ATAD2B: variants seen among roughly 807,000 people sequenced by gnomAD.
ATAD2B encodes ATPase family AAA domain-containing protein 2B.
ATAD2B carries 40 observed loss-of-function variants against 167.6 expected under a neutral mutation model. The ratio of observed to expected loss-of-function variants is 0.24; its 90% CI spans 0.19 to 0.31. ATAD2B has a LOEUF of 0.31. Among genes scored for constraint, ATAD2B ranks in the 10% least tolerant of loss-of-function variants. ATAD2B has a pLI of 1.00. For synonymous variants in ATAD2B, 579 were observed against 596.5 expected, an observed-to-expected ratio of 0.97 and a Z score of 0.43; for missense variants, 1,242 against 1,757.2, an observed-to-expected ratio of 0.71 and a Z score of 5.24.
chr2:23,895,347 AAGTTTT>A (rs1700031694), intron 2 of ATAD2B, among the ~76,000 whole-genome samples: 1 of 152,110 alleles, frequency 6.6e-6, no homozygotes, highest in Non-Finnish European at 1.5e-5. Context: ...GACTAAAATT[AAGTTTT>A]CTTGATACAT....
At chr2:23,888,054 A>C (rs201882239) in intron 3 of ATAD2B, 69 bp from the exon 4 acceptor site, 1 of 1,189,266 alleles carries the variant, frequency 8.4e-7, no homozygotes, top group East Asian at 3.0e-5. Flanking sequence ...AAAAAAAATC[A>C]AAAAATTACT....
chr2:23,888,358 C>CT lies in ATAD2B; in HGVS notation c.409dup (p.Ser137LysfsTer26). On this transcript the variant is annotated frameshift_variant, in exon 3 of 28. Coordinates refer to ENST00000238789, the MANE Select transcript of ATAD2B (RefSeq NM_017552.4). LOFTEE classifies it high-confidence loss of function. ...TATAATAGAATACTCACATAAGCCA[C>CT]TATGTCCATTTGGTAATGTAGCACC... 6.3e-7 allele frequency: 1 copy of CT among 1,589,780 alleles called. No individual in the cohort carries two copies. Among genetic ancestry groups the CT allele is most frequent in the Non-Finnish European group, 8.6e-7 (1 of 1,168,220 alleles).
chr2:23,748,424 C>T (rs1471973008), downstream of ATAD2B, among the ~76,000 whole-genome samples: 2 of 152,176 alleles, frequency 1.3e-5, no homozygotes, highest in African/African-American at 4.8e-5. Context: ...AATCCATTTG[C>T]TTCTATACAA....
At chr2:23,805,656 T>G (rs1684253641) in intron 18 of ATAD2B, among the ~76,000 whole-genome samples, 1 of 152,196 alleles carries the variant, frequency 6.6e-6, no homozygotes, top group Non-Finnish European at 1.5e-5. Flanking sequence ...TGAAATGTTA[T>G]TTTCTTTTCT....
chr2:23,840,233 A>G (rs1690661614), intron 13 of ATAD2B, among the ~76,000 whole-genome samples: 1 of 152,126 alleles, frequency 6.6e-6, no homozygotes, highest in Non-Finnish European at 1.5e-5. Flanking sequence ...TGTTTTTTCT[A>G]AAAGTTCTCC....
At chr2:23,689,524 A>G in the ATAD2B span, 1 of 152,502 alleles carries the variant, frequency 6.6e-6, no homozygotes, top group Admixed American at 6.5e-5. Flanking sequence ...GTGCGTGTGC[A>G]TGTGCTCGCA....
At chr2:23,738,348 C>G in the ATAD2B span, among the ~76,000 whole-genome samples, 1 of 152,246 alleles carries the variant, frequency 6.6e-6, no homozygotes, top group Admixed American at 6.5e-5. Context: ...AACAGCTGAT[C>G]TCTCTGCAGA....
the ATAD2B span, among the ~76,000 whole-genome samples, chr2:23,681,778 G>A: frequency 1.3e-5 from 2 of 152,038 alleles, no homozygotes; most frequent in African/African-American, 2.4e-5. This position sits in a 1 kb window ranked among gnomAD's most constrained non-coding sequence, Gnocchi z 4.2. Flanking sequence ...CTCCCCTACC[G>A]CTTCACTCAA....
At chr2:23,848,106 T>G (rs536024437) in intron 13 of ATAD2B, among the ~76,000 whole-genome samples, 2 of 151,976 alleles carry the variant, frequency 1.3e-5, no homozygotes, top group East Asian at 3.9e-4. Context: ...ACTGGAAATA[T>G]GAACATCTAC....
At chr2:23,805,994 A>G (rs1684331032) in intron 18 of ATAD2B, among the ~76,000 whole-genome samples, 1 of 152,280 alleles carries the variant, frequency 6.6e-6, no homozygotes, top group East Asian at 1.9e-4. Flanking sequence ...TTCTCAACAT[A>G]TCTGCTACAA....
At chr2:23,895,772 C>T (rs1700075190) in intron 2 of ATAD2B, 47 bp downstream of exon 2, 6 of 1,482,046 alleles carry the variant, frequency 4.0e-6, no homozygotes, top group African/African-American at 2.8e-5. Flanking sequence ...CCCTGAATCA[C>T]ATTCAGTAAT....
chr2:23,877,523 A>G (rs535303752), intron 7 of ATAD2B, among the ~76,000 whole-genome samples: 1,099 of 45,166 alleles, frequency 0.024, 23 homozygotes, highest in Middle Eastern at 0.045. Context: ...AAGGGGAGGG[A>G]AGGGGAGGGG....
rs193002099 is a variant in ATAD2B, at chr2:23,819,972, T to A, written c.2132-90A>T. 4,920 of 844,450 alleles carry A rather than the reference T, an allele frequency of 5.8e-3. 17 individuals are homozygous for A. The highest frequency in any genetic ancestry group is 7.7e-3 in the Non-Finnish European group (4,378 of 566,826). 52.3% of individuals were successfully genotyped at this position (844,450 alleles called of 1,614,324 possible). ...AGCTAAGAAAAATTGGGTTAAAAAA[T>A]CAAATGACATTAATAAGTTATCTAT... On this transcript the variant is annotated intron_variant, in intron 16 of 27. Coordinates refer to ENST00000238789, the MANE Select transcript of ATAD2B (RefSeq NM_017552.4).
chr2:23,848,305 C>A (rs1268452021), intron 13 of ATAD2B, among the ~76,000 whole-genome samples: 1 of 152,072 alleles, frequency 6.6e-6, no homozygotes, highest in Non-Finnish European at 1.5e-5. Context: ...GAGCTCGAGA[C>A]CGTGTCTCTA....
Position 23,769,743 on chromosome 2 carries a change from T to C in ATAD2B, c.3134-4115A>G, listed in dbSNP as rs1572679586. Among the ~76,000 whole-genome samples, 3 of 130,234 alleles carry C rather than the reference T, an allele frequency of 2.3e-5. No individual in the cohort carries two copies. In the Admixed American group the frequency reaches 2.5e-4, roughly 11 times the overall value. 85.4% of individuals were successfully genotyped at this position (130,234 alleles called of 152,430 possible). ...TTTTTTTTTTTTTTTTGAGACAGGG[T>C]CTCATTCTGTCGCCCAGGCTGGAGT... On this transcript the variant is annotated intron_variant, in intron 22 of 27. Transcript: ENST00000238789.
chr2:23,816,880 T>C (rs886755750), intron 17 of ATAD2B, among the ~76,000 whole-genome samples: 10 of 152,182 alleles, frequency 6.6e-5, no homozygotes, highest in Non-Finnish European at 1.2e-4. Flanking sequence ...TTCTCCTTTA[T>C]ATTAAATGTA....
chr2:23,735,625 C>T, the ATAD2B span, among the ~76,000 whole-genome samples: 1 of 152,200 alleles, frequency 6.6e-6, no homozygotes, highest in African/African-American at 2.4e-5. Context: ...TGTGCTTCAT[C>T]TGTTAATCAA....
chr2:23,849,658 A>G (rs1225860263), intron 13 of ATAD2B, among the ~76,000 whole-genome samples: 3 of 152,132 alleles, frequency 2.0e-5, no homozygotes, highest in Non-Finnish European at 4.4e-5. Flanking sequence ...GTGAAACCCC[A>G]TCTCTACAAA....
chr2:23,703,743 C>T, the ATAD2B span: 19 of 1,536,978 alleles, frequency 1.2e-5, no homozygotes, highest in East Asian at 2.4e-5. Context: ...CCCGCTGTCA[C>T]GCTCAATGGC....
Sources: gnomAD v4.1 joint callset for allele counts (sites outside exome capture counted in the v4.1 genomes callset) on GRCh38, gnomAD v4.1.1 for gene constraint, Gnocchi (gnomAD v3.1) non-coding constraint, MANE v1.5 for transcripts, NCBI Gene and HGNC (gene_info 2026-07-23, HGNC 2026-07-21) for gene names.